Variants in MED27 observed in about 807,000 individuals in gnomAD.
MED27 encodes mediator of RNA polymerase II transcription subunit 27.
In MED27, 30 loss-of-function variants were observed where a neutral mutation model predicts 38.2. The ratio of observed to expected loss-of-function variants is 0.79; its 90% confidence interval spans 0.59 to 1.07. The LOEUF (loss-of-function observed/expected upper bound fraction) is 1.07, where lower values mean the gene tolerates loss of function less well. Ranked by LOEUF, MED27 falls within the 50% of genes least tolerant of loss-of-function variation. The probability of loss-of-function intolerance (pLI) is 0.00; values close to 1 mark genes in which losing one functional copy is unlikely to be tolerated. For synonymous variants in MED27, 122 were observed against 153.5 expected, an observed-to-expected ratio of 0.79 and a Z score of 1.52; for missense variants, 289 against 397.5, an observed-to-expected ratio of 0.73 and a Z score of 2.32.
intron 3 of MED27, among the ~76,000 whole-genome samples, chr9:131,954,129 A>C (rs1308615628): frequency 1.3e-5 from 2 of 152,124 alleles, no homozygotes; most frequent in African/African-American, 4.8e-5. Flanking sequence ...AAAAGTTTTC[A>C]TGCATATATT....
intron 4 of MED27, among the ~76,000 whole-genome samples, chr9:131,901,384 T>C (rs374163351): frequency 6.6e-6 from 1 of 152,188 alleles, no homozygotes; most frequent in Admixed American, 6.5e-5. Flanking sequence ...AACTCTCCCA[T>C]GTCTAAAGAA....
At chr9:132,072,074 A>G (rs890778123) in intron 2 of MED27, among the ~76,000 whole-genome samples, 2 of 152,216 alleles carry the variant, frequency 1.3e-5, no homozygotes, top group African/African-American at 4.8e-5. Context: ...CACACACCCC[A>G]TAAATAAGTA....
At chr9:132,025,533 C>T (rs759964313) in intron 2 of MED27, among the ~76,000 whole-genome samples, 4 of 152,212 alleles carry the variant, frequency 2.6e-5, no homozygotes, top group African/African-American at 7.2e-5. Flanking sequence ...AAGAGTTCTA[C>T]TACTCTTAAT....
chr9:131,937,117 C>G (rs1408263713), intron 4 of MED27, among the ~76,000 whole-genome samples: 3 of 152,218 alleles, frequency 2.0e-5, no homozygotes, highest in East Asian at 1.9e-4. Flanking sequence ...CCTGCTCCCC[C>G]TCCAGGTAGG....
rs1838674959 is a variant in MED27, at chr9:131,862,873, T to C, written c.801+190A>G. Reference sequence around the variant, plus strand: ...AGCAAGTAGAGAAAGCACCAGTGAATGAAGCTGGAAGTGGTTTCTCCCAGA... The same window carrying C: ...AGCAAGTAGAGAAAGCACCAGTGAACGAAGCTGGAAGTGGTTTCTCCCAGA... On this transcript the variant is annotated intron_variant, in intron 7 of 7. Transcript: ENST00000292035. This position sits in a 1 kb window ranked among gnomAD's most constrained non-coding sequence, Gnocchi z 4.6. Among the ~76,000 whole-genome samples, 1 of 152,192 alleles carries C rather than the reference T, an allele frequency of 6.6e-6. No individual in the cohort carries two copies. Among genetic ancestry groups the C allele is most frequent in the Non-Finnish European group, 1.5e-5 (1 of 68,034 alleles).
intron 3 of MED27, among the ~76,000 whole-genome samples, chr9:131,951,983 T>C (rs771724823): frequency 7.2e-5 from 11 of 152,188 alleles, no homozygotes; most frequent in Admixed American, 2.0e-4. Context: ...ATATTTGGCA[T>C]GATCCTGAAA....
At chr9:131,874,970 T>C (rs764342478) in intron 6 of MED27, among the ~76,000 whole-genome samples, 1 of 152,088 alleles carries the variant, frequency 6.6e-6, no homozygotes, top group Non-Finnish European at 1.5e-5. Context: ...CCATCAAACT[T>C]GAGGCAATGA....
chr9:132,041,247 T>G (rs1040164046), intron 2 of MED27, among the ~76,000 whole-genome samples: 2 of 152,074 alleles, frequency 1.3e-5, no homozygotes, highest in African/African-American at 4.8e-5. Flanking sequence ...GCAGTGAGGG[T>G]CCAAAGTGGG....
At chr9:132,023,063 C>T (rs1361705452) in intron 2 of MED27, among the ~76,000 whole-genome samples, 1 of 152,172 alleles carries the variant, frequency 6.6e-6, no homozygotes, top group Non-Finnish European at 1.5e-5. Flanking sequence ...AAATGCAATG[C>T]TAGAGCCCTA....
At chr9:132,032,342 T>C (rs779720437) in intron 2 of MED27, among the ~76,000 whole-genome samples, 3 of 152,136 alleles carry the variant, frequency 2.0e-5, no homozygotes, top group East Asian at 1.9e-4. Context: ...TGAGAAGAAA[T>C]GATGTGGCAC....
intron 2 of MED27, chr9:132,073,514 T>C: frequency 7.7e-7 from 1 of 1,290,716 alleles, no homozygotes; most frequent in Non-Finnish European, 9.8e-7. Flanking sequence ...GAGGACAGAG[T>C]CCCTAAAGGA....
intron 2 of MED27, among the ~76,000 whole-genome samples, chr9:132,018,107 A>C (rs1180669381): frequency 1.3e-5 from 2 of 152,190 alleles, no homozygotes; most frequent in East Asian, 3.9e-4. Context: ...CCTCTCTAGA[A>C]AATATGCATG....
chr9:132,003,414 T>C lies in MED27; in HGVS notation c.479+10923A>G, dbSNP rs1313119348. Among the ~76,000 whole-genome samples, 1 of 152,226 alleles carries C rather than the reference T, an allele frequency of 6.6e-6. No individual in the cohort carries two copies. The highest frequency in any genetic ancestry group is 2.4e-5 in the African/African-American group (1 of 41,448). On this transcript the variant is annotated intron_variant, in intron 3 of 7. Coordinates refer to ENST00000292035, the MANE Select transcript of MED27 (RefSeq NM_004269.4). This position sits in a 1 kb window ranked among gnomAD's most constrained non-coding sequence, Gnocchi z 4.2. ...TTTTAAATTTTAGTCTATGTCACGA[T>C]GGGTCTGAGACAAACCCAGGTCAGG... is the stretch of plus-strand genomic sequence containing the variant.
intron 3 of MED27, among the ~76,000 whole-genome samples, chr9:131,995,696 G>A (rs1223438304): frequency 1.3e-5 from 2 of 152,038 alleles, no homozygotes; most frequent in African/African-American, 4.8e-5. Flanking sequence ...TCTGTAGTAG[G>A]CCCATGATCA....
intron 4 of MED27, among the ~76,000 whole-genome samples, chr9:131,901,332 T>C (rs1303718108): frequency 2.0e-5 from 3 of 152,192 alleles, no homozygotes; most frequent in South Asian, 2.1e-4. Flanking sequence ...CACAGAATCA[T>C]AGAACTGTAG....
intron 2 of MED27, among the ~76,000 whole-genome samples, chr9:132,019,425 T>C (rs1296129236): frequency 1.1e-4 from 17 of 152,200 alleles, no homozygotes; most frequent in Non-Finnish European, 2.2e-4. Flanking sequence ...AGGTGCTCAC[T>C]GTCAAGATAG....
At chr9:132,056,118 C>T (rs1157238871) in intron 2 of MED27, among the ~76,000 whole-genome samples, 1 of 152,202 alleles carries the variant, frequency 6.6e-6, no homozygotes, top group Non-Finnish European at 1.5e-5. Context: ...ACAGGCATAA[C>T]ATTTGCTCAC....
chr9:132,019,924 C>T (rs1415419930), intron 2 of MED27, among the ~76,000 whole-genome samples: 2 of 152,212 alleles, frequency 1.3e-5, no homozygotes, highest in Non-Finnish European at 2.9e-5. Flanking sequence ...CTCCTGCAGG[C>T]GCTGAGACGT....
At chr9:131,886,450 C>T (rs1242442952) in intron 5 of MED27, among the ~76,000 whole-genome samples, 1 of 152,152 alleles carries the variant, frequency 6.6e-6, no homozygotes, top group Non-Finnish European at 1.5e-5. Flanking sequence ...CTGCCTGCAC[C>T]ATCTCCTTCT....
Sources: allele counts gnomAD v4.1 joint callset (sites outside exome capture counted in the v4.1 genomes callset), GRCh38; gene constraint gnomAD v4.1.1; non-coding constraint Gnocchi (gnomAD v3.1); transcripts MANE v1.5; gene names NCBI Gene and HGNC (gene_info 2026-07-23, HGNC 2026-07-21).